Variants in WWOX observed in about 807,000 individuals in gnomAD.
WWOX encodes WW domain containing oxidoreductase, also known as WW domain-containing oxidoreductase.
Under a neutral mutation model 46.2 loss-of-function variants are expected in WWOX, and 69 were observed. That is an observed-to-expected ratio of 1.49 (90% CI 1.23 to 1.82). The LOEUF is 1.82. WWOX is among the 40% of genes most tolerant of loss of function. The probability of loss-of-function intolerance (pLI) is 0.00; values close to 1 mark genes in which losing one functional copy is unlikely to be tolerated. For missense variants in WWOX, 919 were observed against 542.6 expected (o/e 1.69, Z -6.89); for synonymous variants, 359 against 202.6 (o/e 1.77, Z -6.56).
intron 8 of WWOX, among the ~76,000 whole-genome samples, chr16:79,163,407 A>C (rs8045067): frequency 0.51 from 78,196 of 151,974 alleles, 20,617 homozygotes; most frequent in East Asian, 0.75. Context: ...TAAGGCGCCT[A>C]ATTTATGAAG....
intron 5 of WWOX, among the ~76,000 whole-genome samples, chr16:78,180,747 A>G (rs374433597): frequency 4.6e-5 from 7 of 151,678 alleles, no homozygotes; most frequent in Admixed American, 1.3e-4. Flanking sequence ...ACTAGTGGGT[A>G]AATCCAGCTG....
chr16:78,839,504 C>G (rs1469899810), intron 8 of WWOX, among the ~76,000 whole-genome samples: 3 of 152,154 alleles, frequency 2.0e-5, no homozygotes, highest in Non-Finnish European at 4.4e-5. Flanking sequence ...ATGTACAGGG[C>G]TGTGACTTTT....
At chr16:78,973,833 G>A (rs2046519418) in intron 8 of WWOX, among the ~76,000 whole-genome samples, 1 of 152,252 alleles carries the variant, frequency 6.6e-6, no homozygotes, top group East Asian at 1.9e-4. Flanking sequence ...GGGCTCATGA[G>A]CCGAGAGCCC....
At chr16:78,894,145 C>T (rs112679849) in intron 8 of WWOX, among the ~76,000 whole-genome samples, 19,792 of 151,632 alleles carry the variant, frequency 0.13, 1,647 homozygotes, top group East Asian at 0.22. Flanking sequence ...CTCAAGCAAT[C>T]CTCCCACCTC....
At chr16:78,644,344 A>G (rs895250791) in intron 8 of WWOX, among the ~76,000 whole-genome samples, 1 of 151,936 alleles carries the variant, frequency 6.6e-6, no homozygotes, top group Non-Finnish European at 1.5e-5. Flanking sequence ...CCCATATGTC[A>G]CCTCCCTCCT....
At chr16:78,573,710 C>T (rs570427990) in intron 8 of WWOX, among the ~76,000 whole-genome samples, 1 of 152,338 alleles carries the variant, frequency 6.6e-6, no homozygotes, top group East Asian at 1.9e-4. Flanking sequence ...TGCACTGAAC[C>T]ATAATCCAAA....
chr16:78,576,662 G>A (rs1376528330), intron 8 of WWOX, among the ~76,000 whole-genome samples: 1 of 152,096 alleles, frequency 6.6e-6, no homozygotes, highest in Non-Finnish European at 1.5e-5. Context: ...GTGAGACCCT[G>A]TCTCTACTCA....
At chr16:78,631,257 C>A (rs943323988) in intron 8 of WWOX, among the ~76,000 whole-genome samples, 1 of 152,076 alleles carries the variant, frequency 6.6e-6, no homozygotes, top group Admixed American at 6.6e-5. Flanking sequence ...GACATCTCAT[C>A]CACCCCTTCC....
At chr16:78,940,125 T>G (rs1334306757) in intron 8 of WWOX, among the ~76,000 whole-genome samples, 1 of 152,190 alleles carries the variant, frequency 6.6e-6, no homozygotes. Context: ...TTCCGAGACT[T>G]GGGACAATAA....
intron 5 of WWOX, among the ~76,000 whole-genome samples, chr16:78,319,795 C>G (rs1436985699): frequency 6.6e-6 from 1 of 152,132 alleles, no homozygotes; most frequent in Non-Finnish European, 1.5e-5. Flanking sequence ...TCACACTTGC[C>G]ACCCTCCGCC....
chr16:79,212,232 C>T lies in WWOX; in HGVS notation c.*436C>T. 3 of 1,370,404 alleles carry T rather than the reference C, an allele frequency of 2.2e-6. No homozygotes were observed. Among genetic ancestry groups the T allele is most frequent in the South Asian group, 1.5e-5 (1 of 65,296 alleles). 84.9% of individuals were successfully genotyped at this position (1,370,404 alleles called of 1,614,324 possible). ...AAGAAAAAGCAAGTGTTCACTGCTCCTTGCTGCATTGATCCAGGAGATAAT... is the reference window on the plus strand; with the variant it reads ...AAGAAAAAGCAAGTGTTCACTGCTCTTTGCTGCATTGATCCAGGAGATAAT... On this transcript the variant is annotated 3_prime_UTR_variant, in exon 9 of 9. Transcript: ENST00000566780.
chr16:78,250,911 A>G (rs2037967424), intron 5 of WWOX, among the ~76,000 whole-genome samples: 5 of 152,172 alleles, frequency 3.3e-5, no homozygotes, highest in Middle Eastern at 3.4e-3. Context: ...CAGGACCTCA[A>G]TCCCCTGTTT....
At chr16:78,998,367 T>C (rs1010929006) in intron 8 of WWOX, among the ~76,000 whole-genome samples, 4 of 152,158 alleles carry the variant, frequency 2.6e-5, no homozygotes, top group African/African-American at 4.8e-5. Flanking sequence ...TTTCACGCTT[T>C]GTACTCGGGC....
intron 8 of WWOX, among the ~76,000 whole-genome samples, chr16:78,503,211 A>G (rs1352403454): frequency 6.6e-6 from 1 of 152,176 alleles, no homozygotes; most frequent in African/African-American, 2.4e-5. Flanking sequence ...TCAGAGGTGC[A>G]TGCTGAGAGC....
At chr16:78,625,487 C>T (rs1039140344) in intron 8 of WWOX, among the ~76,000 whole-genome samples, 1 of 152,082 alleles carries the variant, frequency 6.6e-6, no homozygotes, top group Non-Finnish European at 1.5e-5. Flanking sequence ...TTCGTTAGAA[C>T]ATCTTTAGAT....
intron 8 of WWOX, among the ~76,000 whole-genome samples, chr16:79,030,859 G>T (rs900249838): frequency 6.6e-6 from 1 of 152,066 alleles, no homozygotes; most frequent in Non-Finnish European, 1.5e-5. Flanking sequence ...GAGGCAGGAG[G>T]ATCGCTTGAG....
intron 5 of WWOX, among the ~76,000 whole-genome samples, chr16:78,323,590 C>T (rs916310636): frequency 1.3e-5 from 2 of 152,096 alleles, no homozygotes; most frequent in Admixed American, 6.6e-5. Context: ...ACTGAGCTGT[C>T]CTCTAAGTGA....
At chr16:78,733,895 A>T (rs994117085) in intron 8 of WWOX, among the ~76,000 whole-genome samples, 2 of 152,130 alleles carry the variant, frequency 1.3e-5, no homozygotes, top group African/African-American at 4.8e-5. Context: ...CAGAGACCTC[A>T]TCTCTACAAA....
rs2079899192 is a variant in WWOX at position 78,293,905 on chromosome 16, A to G, written c.517-92955A>G. Among the ~76,000 whole-genome samples the G allele has an allele frequency of 2.3e-5, 3 of 133,028 alleles. No individual in the cohort carries two copies. In the Admixed American group the frequency reaches 2.6e-4, roughly 12 times the overall value. 87.3% of individuals were successfully genotyped at this position (133,028 alleles called of 152,430 possible). A position where few individuals can be genotyped will look rare whatever the true frequency, so the allele number is the denominator to read the frequency against. On this transcript the variant is annotated intron_variant, in intron 5 of 8. Coordinates refer to ENST00000566780, the MANE Select transcript of WWOX (RefSeq NM_016373.4). ...GCAGGAGAATTGCTTGAACCCTGGT[A>G]GGCAGAGGTTGCAGTGAGCCGATGT...
Sources: allele counts gnomAD v4.1 joint callset (sites outside exome capture counted in the v4.1 genomes callset), GRCh38; gene constraint gnomAD v4.1.1; transcripts MANE v1.5; gene names NCBI Gene and HGNC (gene_info 2026-07-23, HGNC 2026-07-21).